PAIP1: variants seen among roughly 807,000 people sequenced by gnomAD.
The protein encoded by PAIP1 is polyadenylate-binding protein-interacting protein 1.
In PAIP1, 16 loss-of-function variants were observed where a neutral mutation model predicts 61.3. The ratio of observed to expected loss-of-function variants is 0.26; its 90% CI spans 0.18 to 0.40. The LOEUF (loss-of-function observed/expected upper bound fraction) is 0.40, where lower values mean the gene tolerates loss of function less well. Ranked by LOEUF, PAIP1 falls within the 10% of genes least tolerant of loss-of-function variation. PAIP1 has a pLI of 1.00. For missense variants in PAIP1, 416 were observed against 600.9 expected (o/e 0.69, Z 3.22); for synonymous variants, 187 against 226.2 (o/e 0.83, Z 1.56).
intron 1 of PAIP1, 80 bp downstream of exon 1, chr5:43,556,502 G>A (rs990517981): frequency 8.3e-7 from 1 of 1,209,754 alleles, no homozygotes; most frequent in Non-Finnish European, 1.0e-6. Context: ...CGCAGACAGC[G>A]CGTCGGGCCT....
At chr5:43,537,294 C>T (rs1449293648) in intron 5 of PAIP1, among the ~76,000 whole-genome samples, 1 of 152,082 alleles carries the variant, frequency 6.6e-6, no homozygotes, top group East Asian at 1.9e-4. Flanking sequence ...TGGTATTTTG[C>T]ATCAGAGTGG....
intron 2 of PAIP1, among the ~76,000 whole-genome samples, chr5:43,552,060 A>G (rs1441808475): frequency 6.6e-6 from 1 of 152,066 alleles, no homozygotes; most frequent in East Asian, 1.9e-4. Flanking sequence ...TCTATGGGAG[A>G]TTGGGAGAAA....
At chr5:43,556,314 G>A (rs1167125225) in intron 1 of PAIP1, 7 of 1,237,976 alleles carry the variant, frequency 5.7e-6, no homozygotes, top group Non-Finnish European at 7.1e-6. Flanking sequence ...CTGCTGAGGG[G>A]AGGCGATTTT....
At chr5:43,535,005 AC>A in intron 7 of PAIP1, 35 bp from the exon 8 acceptor site, 1 of 1,126,558 alleles carries the variant, frequency 8.9e-7, no homozygotes, top group Non-Finnish European at 1.4e-6. Context: ...TAGTGTATCC[AC>A]CATAAGGGCT....
At chr5:43,537,996 CAAAAAA>C (rs5867636) in intron 5 of PAIP1, among the ~76,000 whole-genome samples, 2 of 92,678 alleles carry the variant, frequency 2.2e-5, no homozygotes. Flanking sequence ...TGTCCCCACC[CAAAAAA>C]AAAAAAAAAA....
chr5:43,532,155 G>A (rs1251259294), intron 9 of PAIP1, among the ~76,000 whole-genome samples: 3 of 152,034 alleles, frequency 2.0e-5, no homozygotes, highest in Admixed American at 1.3e-4. Context: ...CTGAATTTCT[G>A]TAAATCGAAC....
At chr5:43,541,092 A>G (rs1747382468) in intron 4 of PAIP1, among the ~76,000 whole-genome samples, 1 of 149,386 alleles carries the variant, frequency 6.7e-6, no homozygotes, top group Admixed American at 6.7e-5. Flanking sequence ...TCCAAACTGT[A>G]TCTATATCTA....
Position 43,539,467 on chromosome 5 carries a change from AC to A in PAIP1, c.735-433del, listed in dbSNP as rs1579914712. On this transcript the variant is annotated intron_variant, in intron 4 of 10. Transcript: ENST00000306846. ...GATCTTTAAATACACACACACACAC[AC>A]ACACACACACACACACACAACCTCC... Among the ~76,000 whole-genome samples, 5 of 150,986 alleles carry A rather than the reference AC, an allele frequency of 3.3e-5. No individual in the cohort carries two copies. The East Asian group carries it at 1.1e-3, about 33-fold the overall frequency.
Position 43,557,067 on chromosome 5 carries a change from C to A in PAIP1, c.-221G>T. On this transcript the variant is annotated 5_prime_UTR_variant, in exon 1 of 11. The change creates a new upstream start codon in the 5' untranslated region. Transcript: ENST00000306846. ...AGAGCGCCCGCCCCGCTCGGCTACCCTCGGCTTTCCAGTTCTCCCCCAAAA... is the reference window on the plus strand; with the variant it reads ...AGAGCGCCCGCCCCGCTCGGCTACCATCGGCTTTCCAGTTCTCCCCCAAAA... 3.6e-6 allele frequency: 3 copies of A among 837,100 alleles called. No individual in the cohort carries two copies. The highest frequency in any genetic ancestry group is 4.8e-6 in the Non-Finnish European group (3 of 627,638). The allele number at this position is 837,100 out of a possible 1,614,324, so 51.9% of individuals were successfully genotyped here.
intron 2 of PAIP1, among the ~76,000 whole-genome samples, chr5:43,552,228 G>C (rs752477962): frequency 6.6e-6 from 1 of 152,200 alleles, no homozygotes; most frequent in Non-Finnish European, 1.5e-5. Context: ...TAAGGCAAGG[G>C]TGTGCAGGAG....
chr5:43,556,166 G>T (rs1478007562), intron 1 of PAIP1, 167 bp from the exon 2 acceptor site: 8 of 1,406,312 alleles, frequency 5.7e-6, no homozygotes, highest in Non-Finnish European at 6.5e-6. Flanking sequence ...CTACAAAAAG[G>T]AACAATAGAC....
chr5:43,556,267 AAG>A (rs1748067786), intron 1 of PAIP1: 1 of 1,272,212 alleles, frequency 7.9e-7, no homozygotes, highest in Non-Finnish European at 9.9e-7. Flanking sequence ...GTCGGTGGAA[AAG>A]AGGTGGTTAC....
Position 43,542,272 on chromosome 5 carries a change from C to T in PAIP1, c.734+732G>A, listed in dbSNP as rs982936189. On this transcript the variant is annotated intron_variant, in intron 4 of 10. Transcript: ENST00000306846. ...TTTTGGCAGTGCAGGGTGGCTCATGCCTGTAATCCCAGCACTTTGGGAGGC... is the reference window on the plus strand; with the variant it reads ...TTTTGGCAGTGCAGGGTGGCTCATGTCTGTAATCCCAGCACTTTGGGAGGC... Among the ~76,000 whole-genome samples the T allele has an allele frequency of 2.0e-5, 3 of 151,438 alleles. No individual in the cohort carries two copies. In the East Asian group the frequency reaches 5.8e-4, roughly 29 times the overall value.
chr5:43,538,882 T>G (rs1579913905), intron 5 of PAIP1, 42 bp downstream of exon 5: 1 of 957,162 alleles, frequency 1.0e-6, no homozygotes. Flanking sequence ...CAACTTATGT[T>G]CTCAGGCCTT....
At chr5:43,535,289 T>C (rs1433941370) in intron 7 of PAIP1, among the ~76,000 whole-genome samples, 2 of 152,236 alleles carry the variant, frequency 1.3e-5, no homozygotes, top group Non-Finnish European at 2.9e-5. Flanking sequence ...TTAATTCATA[T>C]CTTAAGAAAA....
chr5:43,533,736 A>G lies in PAIP1; in HGVS notation c.1252+2T>C. 6.3e-7 allele frequency: 1 copy of G among 1,580,542 alleles called. No homozygotes were observed. The highest frequency in any genetic ancestry group is 8.7e-7 in the Non-Finnish European group (1 of 1,149,406). On this transcript the variant is annotated splice_donor_variant, in intron 9 of 10. Coordinates refer to ENST00000306846, the MANE Select transcript of PAIP1 (RefSeq NM_006451.5). LOFTEE classifies it high-confidence loss of function. ...GGAGGGAATGACTGTGAGACAACAT[A>G]CCTGGATCAGCTGCAGTGAAAGGAA... is the stretch of plus-strand genomic sequence containing the variant.
intron 2 of PAIP1, among the ~76,000 whole-genome samples, chr5:43,549,222 CT>C (rs1747764224): frequency 6.6e-6 from 1 of 152,272 alleles, no homozygotes; most frequent in African/African-American, 2.4e-5. Context: ...TTACAGGCCA[CT>C]GCGCCTGGCC....
chr5:43,546,549 T>A (rs757815818), intron 3 of PAIP1, among the ~76,000 whole-genome samples: 2 of 152,162 alleles, frequency 1.3e-5, no homozygotes, highest in African/African-American at 2.4e-5. Flanking sequence ...AATGAAACAT[T>A]AGGATAGAAA....
intron 9 of PAIP1, among the ~76,000 whole-genome samples, chr5:43,530,642 TG>T (rs951502781): frequency 1.3e-5 from 2 of 152,206 alleles, no homozygotes; most frequent in Non-Finnish European, 2.9e-5. Flanking sequence ...CTTCAAGGGC[TG>T]GGGACATTTT....
Sources: allele counts gnomAD v4.1 joint callset (sites outside exome capture counted in the v4.1 genomes callset), GRCh38; gene constraint gnomAD v4.1.1; transcripts MANE v1.5; gene names NCBI Gene and HGNC (gene_info 2026-07-23, HGNC 2026-07-21).